SREBF2: variants seen among roughly 807,000 people sequenced by gnomAD.
SREBF2 encodes sterol regulatory element binding transcription factor 2, also known as sterol regulatory element-binding protein 2.
A neutral mutation model predicts 113.1 loss-of-function variants in SREBF2; 55 were observed. The observed-to-expected ratio is 0.49, with a 90% CI of 0.39 to 0.61. The LOEUF is 0.61. Ranked by LOEUF, SREBF2 falls within the 20% of genes least tolerant of loss-of-function variation. SREBF2 has a pLI of 0.00. For synonymous variants in SREBF2, 593 were observed against 605.7 expected (o/e 0.98, Z 0.31); for missense variants, 1,349 against 1,487.4 (o/e 0.91, Z 1.53).
chr22:41,880,557 G>A (rs1159018290), intron 9 of SREBF2, among the ~76,000 whole-genome samples, 159 bp from the exon 10 acceptor site: 3 of 152,170 alleles, frequency 2.0e-5, no homozygotes, highest in Non-Finnish European at 2.9e-5. Flanking sequence ...ATTATAGGTG[G>A]TTTTGTTTTA....
At chr22:41,889,671 C>G (rs1322139411) in intron 11 of SREBF2, among the ~76,000 whole-genome samples, 2 of 149,912 alleles carry the variant, frequency 1.3e-5, no homozygotes, top group African/African-American at 4.9e-5. Flanking sequence ...CCACTCCAGC[C>G]TGGACAACAT....
At chr22:41,896,384 GT>G (rs1441702769) in intron 13 of SREBF2, among the ~76,000 whole-genome samples, 2 of 152,094 alleles carry the variant, frequency 1.3e-5, no homozygotes, top group Non-Finnish European at 2.9e-5. Flanking sequence ...TTTTGAGACA[GT>G]GTCTCACTCT....
intron 15 of SREBF2, 123 bp downstream of exon 15, chr22:41,898,904 G>A: frequency 6.9e-7 from 1 of 1,440,264 alleles, no homozygotes. Context: ...TGACAGGTGG[G>A]CGGCTAGAAA....
intron 11 of SREBF2, among the ~76,000 whole-genome samples, chr22:41,888,039 C>T (rs113515833): frequency 6.6e-6 from 1 of 152,308 alleles, no homozygotes; most frequent in Non-Finnish European, 1.5e-5. Context: ...CTGGAGATTA[C>T]CCCTTTATTG....
Position 41,900,441 on chromosome 22 carries a change from C to G in SREBF2, c.2850C>G (p.Gly950=), listed in dbSNP as rs2077455628. The G allele has an allele frequency of 1.2e-6, 2 of 1,613,772 alleles. No homozygotes were observed. Among genetic ancestry groups the G allele is most frequent in the Admixed American group, 1.7e-5 (1 of 60,008 alleles). The change falls in exon 16 of 19, where the codon GGC becomes GGG. Residue 950 remains glycine, a synonymous_variant. Coordinates refer to ENST00000361204, the MANE Select transcript of SREBF2 (RefSeq NM_004599.4). ...TCTGCCATTGCGAGAGGGCCAGTGG[C>G]CACCTATGGAGCAGCCTCAACGTCA... ...SSFCHCERAS[G]HLWSSLNVSG...
chr22:41,854,777 G>T (rs2076962667), intron 1 of SREBF2, among the ~76,000 whole-genome samples: 1 of 151,950 alleles, frequency 6.6e-6, no homozygotes, highest in Non-Finnish European at 1.5e-5. Context: ...CCTGAGGCTT[G>T]AGAATTGCTT....
intron 1 of SREBF2, among the ~76,000 whole-genome samples, chr22:41,864,255 T>TACACACACAC (rs1476279050): frequency 7.9e-5 from 6 of 75,730 alleles, no homozygotes; most frequent in African/African-American, 2.7e-4. Context: ...TATATATATA[T>TACACACACAC]ATATATACAC....
intron 9 of SREBF2, 33 bp downstream of exon 9, chr22:41,878,156 C>T (rs1328112190): frequency 1.2e-6 from 2 of 1,612,250 alleles, no homozygotes; most frequent in Non-Finnish European, 1.7e-6. Flanking sequence ...CCCATCCTCC[C>T]CCAGACTTGA....
At position 41,877,300 on chromosome 22, in the gene SREBF2, C is replaced by T. The variant is rs2077205288; in HGVS notation, c.1458C>T (p.Val486=). ...ACCGCTCACGGATTCTTCTGTGTGT[C>T]CTCACCTTCCTGTGCCTCTCCTTTA... ...MVDRSRILLC[V]LTFLCLSFNP... is the part of the protein sequence containing the mutation. The change falls in exon 8 of 19, where the codon GTC becomes GTT. Residue 486 remains valine, a synonymous_variant. Coordinates refer to ENST00000361204, the MANE Select transcript of SREBF2 (RefSeq NM_004599.4). 1.2e-6 allele frequency: 2 copies of T among 1,614,104 alleles called. No homozygotes were observed. The highest frequency in any genetic ancestry group is 1.3e-5 in the African/African-American group (1 of 74,922).
intron 1 of SREBF2, among the ~76,000 whole-genome samples, chr22:41,863,397 C>T (rs1042697044): frequency 2.0e-5 from 3 of 152,204 alleles, no homozygotes; most frequent in African/African-American, 7.2e-5. Context: ...ATTCTTCTGG[C>T]TCTGTGTTAC....
At chr22:41,877,470 C>G in intron 8 of SREBF2, 49 bp downstream of exon 8, 1 of 1,594,670 alleles carries the variant, frequency 6.3e-7, no homozygotes, top group Non-Finnish European at 8.6e-7. Flanking sequence ...ACCACTATGG[C>G]AGGAGAAGGA....
At chr22:41,894,607 C>G (rs1332708681) in intron 12 of SREBF2, among the ~76,000 whole-genome samples, 3 of 152,208 alleles carry the variant, frequency 2.0e-5, no homozygotes, top group African/African-American at 7.2e-5. Flanking sequence ...CCCACCGGAG[C>G]TCATCCAGAA....
At chr22:41,902,458 C>A (rs1482220433) in intron 16 of SREBF2, among the ~76,000 whole-genome samples, 1 of 152,194 alleles carries the variant, frequency 6.6e-6, no homozygotes, top group Non-Finnish European at 1.5e-5. Context: ...GCCTAGTCCC[C>A]AAGCACTAAG....
At position 41,903,111 on chromosome 22, in the gene SREBF2, A is replaced by G; in HGVS notation, c.3049A>G (p.Ser1017Gly). Residue 1017 changes from serine to glycine, a missense_variant, in exon 17 of 19, where the codon AGC (serine) becomes GGC (glycine). By Grantham distance (56) the Ser-to-Gly change is moderately conservative (BLOSUM62 0). This residue lies in a region of SREBF2 where 650 missense variants were observed against 644.1 expected (regional missense o/e 1.01). Coordinates refer to ENST00000361204, the MANE Select transcript of SREBF2 (RefSeq NM_004599.4). ...GGCGGGCTTCCAACGGGACCTGGGCAGCCTGCGCAGGCTGGCACACAGCTT... is the reference window on the plus strand; with the variant it reads ...GGCGGGCTTCCAACGGGACCTGGGCGGCCTGCGCAGGCTGGCACACAGCTT... The part of the protein sequence containing the change: ...ELAGFQRDLG[S>G]LRRLAHSFRP... 1 of 1,565,806 alleles carries G rather than the reference A, an allele frequency of 6.4e-7. No individual in the cohort carries two copies. The highest frequency in any genetic ancestry group is 8.7e-7 in the Non-Finnish European group (1 of 1,155,242).
intron 1 of SREBF2, among the ~76,000 whole-genome samples, chr22:41,852,158 C>G (rs946737305): frequency 1.3e-5 from 2 of 150,412 alleles, no homozygotes; most frequent in Non-Finnish European, 3.0e-5. Flanking sequence ...CTATGGGGAC[C>G]TGGCCTGGGA....
intron 1 of SREBF2, among the ~76,000 whole-genome samples, chr22:41,857,628 A>G: frequency 6.6e-6 from 1 of 152,176 alleles, no homozygotes; most frequent in Non-Finnish European, 1.5e-5. Context: ...TTTGCCAGTA[A>G]AAGAGTTCAC....
At chr22:41,863,139 A>G (rs1019063383) in intron 1 of SREBF2, among the ~76,000 whole-genome samples, 1 of 152,208 alleles carries the variant, frequency 6.6e-6, no homozygotes. Flanking sequence ...AGCACTTCGG[A>G]TAAATTATCT....
intron 1 of SREBF2, among the ~76,000 whole-genome samples, chr22:41,850,436 C>T (rs1029064898): frequency 3.4e-5 from 5 of 148,400 alleles, no homozygotes; most frequent in African/African-American, 2.5e-5. Flanking sequence ...GGCAACAGAG[C>T]GAGACTCCAT....
intron 5 of SREBF2, 32 bp from the exon 6 acceptor site, chr22:41,875,305 C>A: frequency 1.9e-6 from 3 of 1,573,578 alleles, no homozygotes; most frequent in South Asian, 2.2e-5. Flanking sequence ...CTGCACTGGT[C>A]TCACTGTGTT....
Sources: gnomAD v4.1 joint callset for allele counts (sites outside exome capture counted in the v4.1 genomes callset) on GRCh38, gnomAD v4.1.1 for gene constraint, gnomAD v4.1.1 regional missense constraint, MANE v1.5 for transcripts, NCBI Gene and HGNC (gene_info 2026-07-23, HGNC 2026-07-21) for gene names.